The following GXYLT2 variants were observed in gnomAD, a reference collection of about 807,000 sequenced individuals.
GXYLT2 encodes the protein glucoside xylosyltransferase 2, also known as glycosyltransferase 8 domain containing 4.
In GXYLT2, 53 loss-of-function variants were observed where a neutral mutation model predicts 45.8. That is an observed-to-expected ratio of 1.16 (90% CI 0.93 to 1.46). GXYLT2 has a LOEUF of 1.46. GXYLT2 is among the 40% of genes most tolerant of loss of function. The pLI is 0.00. For missense variants in GXYLT2, 551 were observed against 544.4 expected (o/e 1.01, Z -0.12); for synonymous variants, 219 against 214.2 (o/e 1.02, Z -0.19).
At chr3:72,960,542 G>A (rs542289036) in intron 5 of GXYLT2, among the ~76,000 whole-genome samples, 18 of 152,302 alleles carry the variant, frequency 1.2e-4, no homozygotes, top group South Asian at 4.1e-4. Context: ...TAATCGTGAC[G>A]TTGTTCTAAA....
In GXYLT2 at chr3:72,967,710, A is replaced by C. The variant is rs1423606851; in HGVS notation, c.1140A>C (p.Ala380=). The C allele has an allele frequency of 6.2e-7, 1 of 1,613,698 alleles. No homozygotes were observed. Among genetic ancestry groups the C allele is most frequent in the East Asian group, 2.2e-5 (1 of 44,866 alleles). The change falls in exon 6 of 7, where the codon GCA becomes GCC. Residue 380 remains alanine, a synonymous_variant. Coordinates refer to ENST00000389617, the MANE Select transcript of GXYLT2 (RefSeq NM_001080393.2). Reference sequence around the variant, plus strand: ...CAACGTTCAGAGCACTCTATGAAGCAATACGGGATGTAAGTGTGCCCTTGC... The same window carrying C: ...CAACGTTCAGAGCACTCTATGAAGCCATACGGGATGTAAGTGTGCCCTTGC... The part of the protein sequence containing the change: ...KQPTFRALYE[A]IRDFPFQDNL...
At chr3:72,910,038 A>T (rs2107082674) in intron 2 of GXYLT2, among the ~76,000 whole-genome samples, 1 of 152,326 alleles carries the variant, frequency 6.6e-6, no homozygotes, top group African/African-American at 2.4e-5. Flanking sequence ...TGATTGGAAA[A>T]TGCCTTGTAA....
chr3:72,974,489 G>A (rs2107163436), intron 6 of GXYLT2, among the ~76,000 whole-genome samples: 1 of 152,282 alleles, frequency 6.6e-6, no homozygotes, highest in East Asian at 1.9e-4. Flanking sequence ...TTTCAAGTGA[G>A]TATCTTGAGC....
intron 1 of GXYLT2, among the ~76,000 whole-genome samples, chr3:72,893,535 C>T (rs1050768744): frequency 1.3e-5 from 2 of 152,180 alleles, no homozygotes; most frequent in Non-Finnish European, 2.9e-5. Context: ...TTTGCTCCTG[C>T]CCCCTCATGT....
intron 6 of GXYLT2, among the ~76,000 whole-genome samples, chr3:72,970,205 G>T (rs1278179358): frequency 1.3e-5 from 2 of 151,290 alleles, no homozygotes; most frequent in Non-Finnish European, 2.9e-5. Flanking sequence ...ACAAAAATTA[G>T]CCGGGTATGG....
chr3:72,963,669 A>ATT (rs34028884), intron 5 of GXYLT2, among the ~76,000 whole-genome samples: 54,947 of 123,254 alleles, frequency 0.45, 14,044 homozygotes, highest in Admixed American at 0.57. Context: ...TGCCTAGCTA[A>ATT]TTTTTTTTTT....
rs147169998 is a variant in GXYLT2, at chr3:72,945,950, G to C, written c.601-9148G>C. On this transcript the variant is annotated intron_variant, in intron 3 of 6. Coordinates refer to ENST00000389617, the MANE Select transcript of GXYLT2 (RefSeq NM_001080393.2). ...ACCTAGAAACTGACTAAAGCATCAG[G>C]GGCAATACATGTATTTCATAATCAA... is the stretch of plus-strand genomic sequence containing the variant. 2.6e-3 allele frequency among the ~76,000 whole-genome samples: 393 copies of C among 152,056 alleles called. 4 individuals carry two copies. Among genetic ancestry groups the C allele is most frequent in the African/African-American group, 8.7e-3 (359 of 41,490 alleles).
chr3:72,949,506 T>C (rs1177781481), intron 3 of GXYLT2, among the ~76,000 whole-genome samples: 1 of 103,820 alleles, frequency 9.6e-6, no homozygotes, highest in Non-Finnish European at 1.8e-5. Flanking sequence ...CTTTTTCTTT[T>C]TTTTTTTTTT....
intron 2 of GXYLT2, among the ~76,000 whole-genome samples, chr3:72,920,810 A>G (rs941745778): frequency 2.1e-5 from 3 of 143,620 alleles, no homozygotes; most frequent in South Asian, 4.2e-4. Context: ...ATATATATAT[A>G]TATATGTATT....
Position 72,934,274 on chromosome 3 carries a change from T to G in GXYLT2, c.600+11939T>G, listed in dbSNP as rs529787901. Among the ~76,000 whole-genome samples the G allele has an allele frequency of 1.1e-4, 16 of 151,950 alleles. No homozygotes were observed. The East Asian group carries it at 2.9e-3, about 28-fold the overall frequency. On this transcript the variant is annotated intron_variant, in intron 3 of 6. Transcript: ENST00000389617. ...TAATTTTTGTATTTTTTTGTAGAGA[T>G]AGGGTCTTGCTGTATTGCCCTGGCT...
rs185208766 is a variant in GXYLT2 at position 72,972,072 on chromosome 3, C to T, written c.1150-2905C>T. ...ACAGTTTCTCTCTATATACCTTTTT[C>T]TTTTTCTCCCTTCATCTGTCTCTGA... On this transcript the variant is annotated intron_variant, in intron 6 of 6. Coordinates refer to ENST00000389617, the MANE Select transcript of GXYLT2 (RefSeq NM_001080393.2). 8.4e-3 allele frequency among the ~76,000 whole-genome samples: 1,267 copies of T among 150,384 alleles called. 15 individuals are homozygous for T. Among genetic ancestry groups the T allele is most frequent in the Middle Eastern group, 0.031 (9 of 292 alleles).
chr3:72,915,365 G>A (rs771251568), intron 2 of GXYLT2, among the ~76,000 whole-genome samples: 4 of 132,174 alleles, frequency 3.0e-5, no homozygotes, highest in Admixed American at 7.5e-5. Flanking sequence ...GCGGGGGGGG[G>A]GGGGATTTAG....
chr3:72,943,652 C>T (rs906217415), intron 3 of GXYLT2, among the ~76,000 whole-genome samples: 1 of 152,104 alleles, frequency 6.6e-6, no homozygotes, highest in Non-Finnish European at 1.5e-5. Context: ...GCTGGGATTA[C>T]AGGCGTGATT....
In GXYLT2 at chr3:72,975,154, C is replaced by G; in HGVS notation, c.1327C>G (p.His443Asp). 1 of 1,609,494 alleles carries G rather than the reference C, an allele frequency of 6.2e-7. No individual in the cohort carries two copies. The highest frequency in any genetic ancestry group is 2.2e-5 in the East Asian group (1 of 44,788). ...CATCCATGTTGGCCCCAACCAGATGCACTGAATATTTTGTCTTGTTGCAAG... is the reference window on the plus strand; with the variant it reads ...CATCCATGTTGGCCCCAACCAGATGGACTGAATATTTTGTCTTGTTGCAAG... ...VIIHVGPNQM[H>D] Residue 443 changes from histidine (H) to aspartate (D), a missense_variant, in exon 7 of 7, where the codon CAC becomes GAC. Physicochemically the swap from His to Asp is moderately conservative, Grantham distance 81 (BLOSUM62 -1). Coordinates refer to ENST00000389617, the MANE Select transcript of GXYLT2 (RefSeq NM_001080393.2).
intron 1 of GXYLT2, among the ~76,000 whole-genome samples, chr3:72,904,023 T>G (rs1709456192): frequency 6.6e-6 from 1 of 152,244 alleles, no homozygotes. Context: ...TGACTCCTGT[T>G]CAGGCTGTAC....
At chr3:72,968,193 C>T (rs151011901) in intron 6 of GXYLT2, among the ~76,000 whole-genome samples, 26 of 152,220 alleles carry the variant, frequency 1.7e-4, no homozygotes, top group African/African-American at 5.8e-4. Context: ...AGGCTGGTCT[C>T]GAACTCCTGA....
chr3:72,905,438 AC>A (rs1181223746), intron 1 of GXYLT2, among the ~76,000 whole-genome samples: 20 of 152,108 alleles, frequency 1.3e-4, no homozygotes, highest in Admixed American at 7.2e-4. Flanking sequence ...CTTTGGCCTT[AC>A]GTTGGTACAT....
chr3:72,940,856 A>AT (rs959071181), intron 3 of GXYLT2, among the ~76,000 whole-genome samples: 2 of 152,112 alleles, frequency 1.3e-5, no homozygotes, highest in Admixed American at 6.5e-5. Flanking sequence ...TAATTTTTTA[A>AT]TTTTTTGTAA....
intron 2 of GXYLT2, among the ~76,000 whole-genome samples, chr3:72,916,689 A>T (rs756068447): frequency 2.0e-5 from 3 of 151,804 alleles, no homozygotes; most frequent in African/African-American, 4.8e-5. Context: ...ACAGTCGTGC[A>T]CTACCACACC....
Sources: gnomAD v4.1 joint callset for allele counts (sites outside exome capture counted in the v4.1 genomes callset) on GRCh38, gnomAD v4.1.1 for gene constraint, MANE v1.5 for transcripts, NCBI Gene and HGNC (gene_info 2026-07-23, HGNC 2026-07-21) for gene names.